VKORC1L1: variants seen among roughly 807,000 people sequenced by gnomAD.
VKORC1L1 encodes vitamin K epoxide reductase complex subunit 1-like protein 1.
A neutral mutation model predicts 18.9 loss-of-function variants in VKORC1L1; 2 were observed. That is an observed-to-expected ratio of 0.11 (90% confidence interval 0.04 to 0.33). The LOEUF (loss-of-function observed/expected upper bound fraction) is 0.33. Ranked by LOEUF, VKORC1L1 falls within the 10% of genes least tolerant of loss-of-function variation. VKORC1L1 has a pLI of 1.00. For missense variants in VKORC1L1, 123 were observed against 224.1 expected (o/e 0.55, Z 2.88); for synonymous variants, 96 against 100.0 (o/e 0.96, Z 0.24).
At chr7:65,951,938 A>G (rs530611263) in intron 2 of VKORC1L1, among the ~76,000 whole-genome samples, 62 of 152,318 alleles carry the variant, frequency 4.1e-4, no homozygotes, top group African/African-American at 1.3e-3. Flanking sequence ...CACATTTTAA[A>G]TTCCACTGGG....
At chr7:65,872,770 C>T (rs1788742002), upstream of VKORC1L1, among the ~76,000 whole-genome samples, 1 of 151,814 alleles carries the variant, frequency 6.6e-6, no homozygotes, top group Admixed American at 6.6e-5. Context: ...AAGCATTGGC[C>T]AGGGTTGATT....
At chr7:65,892,573 C>A (rs1311809128) in intron 1 of VKORC1L1, among the ~76,000 whole-genome samples, 1 of 152,024 alleles carries the variant, frequency 6.6e-6, no homozygotes, top group Non-Finnish European at 1.5e-5. Flanking sequence ...GTTTTTGTAT[C>A]CTGGTGTGAA....
chr7:65,947,142 AC>A (rs1231651883), intron 1 of VKORC1L1, among the ~76,000 whole-genome samples: 2 of 150,710 alleles, frequency 1.3e-5, no homozygotes, highest in Non-Finnish European at 2.9e-5. Flanking sequence ...TCTCAAAAAA[AC>A]AAAACAAAAC....
chr7:65,892,337 A>G (rs1199646188), intron 1 of VKORC1L1, among the ~76,000 whole-genome samples: 2 of 152,082 alleles, frequency 1.3e-5, no homozygotes, highest in Non-Finnish European at 2.9e-5. Context: ...CGGTAGTTCT[A>G]TTTTTAGTTT....
chr7:65,913,448 G>T (rs1351264309), intron 1 of VKORC1L1, among the ~76,000 whole-genome samples: 1 of 151,906 alleles, frequency 6.6e-6, no homozygotes, highest in East Asian at 1.9e-4. Flanking sequence ...GAAAAAAGAG[G>T]CAGGCGCGGT....
intron 1 of VKORC1L1, among the ~76,000 whole-genome samples, chr7:65,899,987 T>G (rs1789282961): frequency 7.1e-6 from 1 of 141,132 alleles, no homozygotes; most frequent in South Asian, 2.3e-4. Context: ...ACAACAAGAG[T>G]GAAACTGTCA....
At position 65,955,307 on chromosome 7, in the gene VKORC1L1, C is replaced by T. The variant is rs1790276784; in HGVS notation, c.*1007C>T. 6.6e-6 allele frequency: 1 copy of T among 152,200 alleles called. No individual in the cohort carries two copies. Among genetic ancestry groups the T allele is most frequent in the Non-Finnish European group, 1.5e-5 (1 of 68,046 alleles). 9.4% of individuals were successfully genotyped at this position (152,200 alleles called of 1,614,324 possible). A position where few individuals can be genotyped will look rare whatever the true frequency, so the allele number is the denominator to read the frequency against. ...TGATGGAAAAGACCAGTCCAAGCCC[C>T]ATCGCTCCGGAGTGGGAGCCAGTGT... On this transcript the variant is annotated 3_prime_UTR_variant, in exon 3 of 3. Coordinates refer to ENST00000360768, the MANE Select transcript of VKORC1L1 (RefSeq NM_173517.6).
intron 2 of VKORC1L1, 152 bp downstream of exon 2, chr7:65,948,932 G>A: frequency 1.0e-6 from 1 of 963,824 alleles, no homozygotes; most frequent in Non-Finnish European, 1.5e-6. Flanking sequence ...GATTCACTGA[G>A]ATTTTTATTA....
intron 1 of VKORC1L1, among the ~76,000 whole-genome samples, chr7:65,906,666 TC>T (rs1278299191): frequency 6.6e-6 from 1 of 152,182 alleles, no homozygotes; most frequent in Non-Finnish European, 1.5e-5. Context: ...GTTCCTCTTC[TC>T]TAGGAGTCCA....
intron 1 of VKORC1L1, among the ~76,000 whole-genome samples, chr7:65,923,923 CCTT>C (rs1384283277): frequency 5.3e-5 from 8 of 152,160 alleles, no homozygotes; most frequent in African/African-American, 1.9e-4. Flanking sequence ...GGAAGCCTCA[CCTT>C]CTGGCAGTGA....
chr7:65,944,533 T>C (rs1426814068), intron 1 of VKORC1L1, among the ~76,000 whole-genome samples: 1 of 152,172 alleles, frequency 6.6e-6, no homozygotes, highest in Non-Finnish European at 1.5e-5. Context: ...CTCTTTACCA[T>C]AGCAAAATAA....
intron 1 of VKORC1L1, among the ~76,000 whole-genome samples, chr7:65,900,003 ACAC>A (rs1789283281): frequency 1.3e-5 from 2 of 151,624 alleles, no homozygotes; most frequent in Admixed American, 6.6e-5. Context: ...TGTCACACAC[ACAC>A]AAAAATAGCT....
At chr7:65,895,514 T>TACACACACACAC (rs1236686939) in intron 1 of VKORC1L1, among the ~76,000 whole-genome samples, 5 of 77,494 alleles carry the variant, frequency 6.5e-5, no homozygotes, top group Admixed American at 4.9e-4. Flanking sequence ...TATATATATA[T>TACACACACACAC]ATACACACAC....
intron 1 of VKORC1L1, among the ~76,000 whole-genome samples, chr7:65,934,483 C>T (rs1789908828): frequency 1.3e-5 from 2 of 152,114 alleles, no homozygotes; most frequent in Admixed American, 6.6e-5. Flanking sequence ...CAAAATAAAA[C>T]TTATTCCTCC....
rs188131867 is a variant in VKORC1L1 at position 65,876,331 on chromosome 7, C to T, written c.194+2766C>T. 2.6e-3 allele frequency among the ~76,000 whole-genome samples: 399 copies of T among 151,740 alleles called. 2 individuals are homozygous for T. The highest frequency in any genetic ancestry group is 9.2e-3 in the African/African-American group (380 of 41,360). On this transcript the variant is annotated intron_variant, in intron 1 of 2. Transcript: ENST00000360768. ...CAGCCTGGCCAACATGCTGAAACCC[C>T]GTCTCTACTAAAAATACAAAACAAG...
intron 1 of VKORC1L1, among the ~76,000 whole-genome samples, chr7:65,896,379 C>T (rs1388568910): frequency 1.4e-4 from 21 of 152,140 alleles, no homozygotes; most frequent in African/African-American, 4.3e-4. Context: ...GTTTGGTGGA[C>T]ATAAATACTC....
intron 1 of VKORC1L1, among the ~76,000 whole-genome samples, chr7:65,886,053 T>C (rs35272723): frequency 6.6e-6 from 1 of 152,236 alleles, no homozygotes; most frequent in Non-Finnish European, 1.5e-5. Context: ...CCTAGATGCT[T>C]ATTGTGGCAT....
rs1481304098 is a variant in VKORC1L1 at position 65,948,937 on chromosome 7, TTATTA to T, written c.304+164_304+168del. ...ATGAAAACTTGATTCACTGAGATTT[TTATTA>T]TATTATTGTTGAATTTATGTCAATT... On this transcript the variant is annotated intron_variant, in intron 2 of 2. Coordinates refer to ENST00000360768, the MANE Select transcript of VKORC1L1 (RefSeq NM_173517.6). Among the ~76,000 whole-genome samples the T allele has an allele frequency of 2.0e-5, 3 of 152,340 alleles. No individual in the cohort carries two copies. The South Asian group carries it at 6.2e-4, about 32-fold the overall frequency.
chr7:65,949,433 C>T (rs755692543), intron 2 of VKORC1L1, among the ~76,000 whole-genome samples: 10 of 151,834 alleles, frequency 6.6e-5, no homozygotes, highest in Non-Finnish European at 1.0e-4. Context: ...GAGCTGAGAT[C>T]GCGCCATTGC....
Sources: allele counts gnomAD v4.1 joint callset (sites outside exome capture counted in the v4.1 genomes callset), GRCh38; gene constraint gnomAD v4.1.1; transcripts MANE v1.5; gene names NCBI Gene and HGNC (gene_info 2026-07-23, HGNC 2026-07-21).